The following ZNF385B variants were observed in gnomAD, a reference collection of about 807,000 sequenced individuals.
ZNF385B encodes the protein zinc finger protein 533.
A neutral mutation model predicts 39.2 loss-of-function variants in ZNF385B; 23 were observed. The ratio of observed to expected loss-of-function variants is 0.59; its 90% confidence interval spans 0.42 to 0.83. ZNF385B has a LOEUF of 0.83. Ranked by LOEUF, ZNF385B falls within the 40% of genes least tolerant of loss-of-function variation. The pLI, the probability that ZNF385B is intolerant of heterozygous loss-of-function variation, is 0.00. For missense variants in ZNF385B, 552 were observed against 598.9 expected (o/e 0.92, Z 0.82); for synonymous variants, 205 against 222.6 (o/e 0.92, Z 0.70).
intron 3 of ZNF385B, among the ~76,000 whole-genome samples, chr2:179,732,012 A>G (rs910197453): frequency 6.6e-6 from 1 of 152,214 alleles, no homozygotes; most frequent in African/African-American, 2.4e-5. Context: ...TGCCTAGCAA[A>G]GGAAAGAAAC....
At chr2:179,729,847 T>G (rs1401149967) in intron 3 of ZNF385B, among the ~76,000 whole-genome samples, 2 of 152,140 alleles carry the variant, frequency 1.3e-5, no homozygotes, top group Non-Finnish European at 2.9e-5. Flanking sequence ...TGTTTGACAG[T>G]TCCTTCTTCA....
At chr2:179,575,756 T>C (rs910121001) in intron 3 of ZNF385B, among the ~76,000 whole-genome samples, 3 of 152,038 alleles carry the variant, frequency 2.0e-5, no homozygotes, top group African/African-American at 7.2e-5. Context: ...AAGTGGTAGT[T>C]ATGCCCAAGT....
At chr2:179,457,389 T>C (rs79520117) in intron 6 of ZNF385B, among the ~76,000 whole-genome samples, 2,079 of 152,202 alleles carry the variant, frequency 0.014, 40 homozygotes, top group Middle Eastern at 0.037. Context: ...TTGTTATGTA[T>C]ATATACATAG....
intron 3 of ZNF385B, among the ~76,000 whole-genome samples, chr2:179,555,087 C>G (rs764879942): frequency 1.3e-5 from 2 of 149,446 alleles, no homozygotes; most frequent in African/African-American, 5.0e-5. Flanking sequence ...GTTAATCTAT[C>G]AACAATAGAA....
chr2:179,461,569 G>C (rs185832040), intron 6 of ZNF385B, among the ~76,000 whole-genome samples: 175 of 152,300 alleles, frequency 1.1e-3, no homozygotes, highest in Non-Finnish European at 2.1e-3. Flanking sequence ...ACAGTATTTA[G>C]GATGCTAATA....
intron 3 of ZNF385B, among the ~76,000 whole-genome samples, chr2:179,679,165 G>T (rs2106321772): frequency 1.3e-5 from 2 of 152,258 alleles, no homozygotes; most frequent in East Asian, 3.9e-4. Flanking sequence ...GTCAATGACA[G>T]AATGACAGAT....
chr2:179,602,488 C>A (rs1038673550), intron 3 of ZNF385B, among the ~76,000 whole-genome samples: 1 of 151,976 alleles, frequency 6.6e-6, no homozygotes, highest in African/African-American at 2.4e-5. Context: ...TGTGAGCCAT[C>A]GCACCCAGCT....
At chr2:179,496,254 G>A (rs911893476) in intron 5 of ZNF385B, among the ~76,000 whole-genome samples, 3 of 152,084 alleles carry the variant, frequency 2.0e-5, no homozygotes, top group Non-Finnish European at 4.4e-5. Flanking sequence ...GAATTAGTGA[G>A]CTTGAAAATG....
intron 4 of ZNF385B, among the ~76,000 whole-genome samples, chr2:179,542,833 C>A (rs893280299): frequency 6.6e-6 from 1 of 152,042 alleles, no homozygotes; most frequent in Non-Finnish European, 1.5e-5. Flanking sequence ...AGGATGGATA[C>A]CAGTTGCTGA....
intron 3 of ZNF385B, among the ~76,000 whole-genome samples, chr2:179,739,115 T>G (rs557267420): frequency 9.2e-5 from 14 of 152,326 alleles, no homozygotes; most frequent in Non-Finnish European, 1.9e-4. Flanking sequence ...TGTACTTCAG[T>G]TTCCCTAATG....
At chr2:179,489,948 G>C (rs2055029019) in intron 5 of ZNF385B, among the ~76,000 whole-genome samples, 1 of 152,224 alleles carries the variant, frequency 6.6e-6, no homozygotes, top group African/African-American at 2.4e-5. Flanking sequence ...TTTATAGCTA[G>C]TGAAACGCTA....
chr2:179,717,097 A>T (rs1700376820), intron 3 of ZNF385B, among the ~76,000 whole-genome samples: 1 of 152,238 alleles, frequency 6.6e-6, no homozygotes, highest in Non-Finnish European at 1.5e-5. Context: ...GGTAACTGGG[A>T]AAAAACTGTT....
intron 3 of ZNF385B, among the ~76,000 whole-genome samples, chr2:179,736,081 A>G (rs1196527722): frequency 6.6e-6 from 1 of 152,138 alleles, no homozygotes. Context: ...TTTTTATGTA[A>G]ATATATTTAA....
chr2:179,854,445 TTACC>T (rs1388510370), intron 1 of ZNF385B, among the ~76,000 whole-genome samples: 1 of 151,724 alleles, frequency 6.6e-6, no homozygotes, highest in Non-Finnish European at 1.5e-5. Flanking sequence ...TTCCATATCC[TTACC>T]TATTATTAGG....
At chr2:179,851,529 C>T (rs1476846244) in intron 1 of ZNF385B, among the ~76,000 whole-genome samples, 5 of 152,124 alleles carry the variant, frequency 3.3e-5, no homozygotes. Context: ...ATAACATGAC[C>T]CTACAACAAG....
At chr2:179,718,932 TACTCACACTTTAAA>T (rs1175511471) in intron 3 of ZNF385B, among the ~76,000 whole-genome samples, 11 of 151,474 alleles carry the variant, frequency 7.3e-5, no homozygotes, top group Non-Finnish European at 1.5e-5. Context: ...ATTACAAATC[TACTCACACTTTAAA>T]ACTCTGTGTG....
chr2:179,445,058 C>T, intron 8 of ZNF385B, 81 bp from the exon 9 acceptor site: 1 of 1,188,722 alleles, frequency 8.4e-7, no homozygotes. Context: ...GCTATTTTCT[C>T]CATTGCCAAC....
At chr2:179,588,244 A>G (rs879199739) in intron 3 of ZNF385B, among the ~76,000 whole-genome samples, 1 of 152,064 alleles carries the variant, frequency 6.6e-6, no homozygotes, top group Non-Finnish European at 1.5e-5. Flanking sequence ...GCCCGCCACC[A>G]TGCCCGGCTA....
intron 1 of ZNF385B, among the ~76,000 whole-genome samples, chr2:179,776,164 C>A (rs1310338224): frequency 1.3e-5 from 2 of 152,182 alleles, no homozygotes; most frequent in East Asian, 3.9e-4. Flanking sequence ...TCTGAATTAT[C>A]CTAAGAACTA....
Sources: allele counts gnomAD v4.1 joint callset (sites outside exome capture counted in the v4.1 genomes callset), GRCh38; gene constraint gnomAD v4.1.1; transcripts MANE v1.5; gene names NCBI Gene and HGNC (gene_info 2026-07-23, HGNC 2026-07-21).